The following CAMK2D variants were observed in gnomAD, a reference collection of about 807,000 sequenced individuals.
CAMK2D encodes the protein calcium/calmodulin dependent protein kinase II delta.
CAMK2D carries 37 observed loss-of-function variants against 84.0 expected under a neutral mutation model. The observed-to-expected ratio is 0.44, with a 90% CI of 0.34 to 0.58. CAMK2D has a LOEUF of 0.58. Among genes scored for constraint, CAMK2D ranks in the 20% least tolerant of loss-of-function variants. The pLI is 0.02. For missense variants in CAMK2D, 448 were observed against 652.5 expected (o/e 0.69, Z 3.41); for synonymous variants, 202 against 212.5 (o/e 0.95, Z 0.43).
At chr4:113,551,007 G>T (rs867880301) in intron 5 of CAMK2D, among the ~76,000 whole-genome samples, 2 of 152,132 alleles carry the variant, frequency 1.3e-5, no homozygotes, top group African/African-American at 4.8e-5. Context: ...ATCTGTTGAG[G>T]GTCAGGCTAC....
intron 3 of CAMK2D, among the ~76,000 whole-genome samples, chr4:113,630,108 T>G (rs1033598152): frequency 3.1e-4 from 47 of 152,184 alleles, no homozygotes; most frequent in Admixed American, 6.6e-5. Flanking sequence ...CAATATCCAT[T>G]TGTTAGGTAG....
intron 6 of CAMK2D, among the ~76,000 whole-genome samples, chr4:113,537,871 A>T (rs1360522667): frequency 1.3e-5 from 2 of 152,222 alleles, no homozygotes; most frequent in Admixed American, 1.3e-4. Flanking sequence ...ACATTTGGCA[A>T]ATGAAACTGT....
intron 4 of CAMK2D, among the ~76,000 whole-genome samples, chr4:113,560,988 G>A (rs1466891406): frequency 1.3e-5 from 2 of 152,104 alleles, no homozygotes; most frequent in Admixed American, 1.3e-4. Context: ...GCTATCCAAG[G>A]AGGACCCTAC....
At chr4:113,754,986 A>G (rs1465626728) in intron 2 of CAMK2D, 1 of 984,502 alleles carries the variant, frequency 1.0e-6, no homozygotes, top group Non-Finnish European at 1.2e-6. Context: ...TTGCCAAATC[A>G]ATAATGTATA....
chr4:113,453,409 T>C lies in CAMK2D; in HGVS notation c.*1136A>G, dbSNP rs146600612. 5 of 152,334 alleles carry C rather than the reference T, an allele frequency of 3.3e-5. No homozygotes were observed. The East Asian group carries it at 9.6e-4, about 29-fold the overall frequency. The allele number at this position is 152,334 out of a possible 1,614,324, so 9.4% of individuals were successfully genotyped here. A position where few individuals can be genotyped will look rare whatever the true frequency, so the allele number is the denominator to read the frequency against. Reference sequence around the variant, plus strand: ...CTCTGCTATCAAGTTGGTATCCTCCTGGCAACTGTCCCAATCAGTAAGACG... The same window carrying C: ...CTCTGCTATCAAGTTGGTATCCTCCCGGCAACTGTCCCAATCAGTAAGACG... On this transcript the variant is annotated 3_prime_UTR_variant, in exon 21 of 21. Coordinates refer to ENST00000511664, the MANE Select transcript of CAMK2D (RefSeq NM_001321571.2).
At chr4:113,727,451 G>A (rs60143560) in intron 2 of CAMK2D, among the ~76,000 whole-genome samples, 8,613 of 152,028 alleles carry the variant, frequency 0.057, 267 homozygotes, top group South Asian at 0.096. Flanking sequence ...GAATAATGAT[G>A]TTGGAACAAC....
intron 6 of CAMK2D, among the ~76,000 whole-genome samples, chr4:113,537,878 C>T (rs17046197): frequency 6.6e-6 from 1 of 152,158 alleles, no homozygotes; most frequent in African/African-American, 2.4e-5. Flanking sequence ...GCAAATGAAA[C>T]TGTGCAAATT....
intron 4 of CAMK2D, among the ~76,000 whole-genome samples, chr4:113,600,347 A>T (rs544734321): frequency 6.6e-6 from 1 of 152,318 alleles, no homozygotes; most frequent in African/African-American, 2.4e-5. Context: ...TATTATAACT[A>T]ATGTACTAAT....
chr4:113,641,608 G>C (rs1202282647), intron 3 of CAMK2D, among the ~76,000 whole-genome samples: 1 of 152,186 alleles, frequency 6.6e-6, no homozygotes, highest in Non-Finnish European at 1.5e-5. Flanking sequence ...CTGGCTCAAA[G>C]CTTTACTGGG....
intron 2 of CAMK2D, among the ~76,000 whole-genome samples, chr4:113,748,562 AT>A (rs891164214): frequency 2.6e-5 from 4 of 152,284 alleles, no homozygotes; most frequent in Admixed American, 6.5e-5. Context: ...ATTAAAAAAA[AT>A]ACTAGGAATA....
chr4:113,538,999 G>T (rs1445701715), intron 6 of CAMK2D, among the ~76,000 whole-genome samples: 1 of 152,118 alleles, frequency 6.6e-6, no homozygotes, highest in African/African-American at 2.4e-5. Context: ...ATGGGATAAA[G>T]ATATCTCAAG....
At chr4:113,503,889 G>A (rs200637421) in intron 14 of CAMK2D, among the ~76,000 whole-genome samples, 4 of 152,234 alleles carry the variant, frequency 2.6e-5, no homozygotes, top group South Asian at 4.1e-4. Context: ...GCAATGGGGA[G>A]GTACTGCAAC....
intron 8 of CAMK2D, among the ~76,000 whole-genome samples, chr4:113,518,867 T>C (rs2098321448): frequency 6.6e-6 from 1 of 152,110 alleles, no homozygotes; most frequent in African/African-American, 2.4e-5. Context: ...TAGAATTTTA[T>C]AGCCTGCTTC....
At chr4:113,644,274 T>G (rs1054455669) in intron 3 of CAMK2D, among the ~76,000 whole-genome samples, 1 of 152,188 alleles carries the variant, frequency 6.6e-6, no homozygotes, top group African/African-American at 2.4e-5. Flanking sequence ...ATCTGCCAAA[T>G]GAAGACAAAG....
chr4:113,610,029 C>A (rs2098993407), intron 3 of CAMK2D, among the ~76,000 whole-genome samples: 1 of 145,712 alleles, frequency 6.9e-6, no homozygotes, highest in African/African-American at 2.5e-5. Flanking sequence ...AGAGTGAATT[C>A]TTTTTTTTTT....
intron 16 of CAMK2D, among the ~76,000 whole-genome samples, chr4:113,476,647 T>C (rs767714648): frequency 6.6e-6 from 1 of 152,190 alleles, no homozygotes; most frequent in Non-Finnish European, 1.5e-5. Context: ...TGCTAAGATC[T>C]ATGAATAGTT....
intron 16 of CAMK2D, among the ~76,000 whole-genome samples, chr4:113,492,301 A>C (rs1467038175): frequency 6.6e-6 from 1 of 151,194 alleles, no homozygotes; most frequent in Non-Finnish European, 1.5e-5. Context: ...TTCCCTCTAC[A>C]CACTGCTTTG....
At chr4:113,501,176 TA>T (rs2098037562) in intron 15 of CAMK2D, among the ~76,000 whole-genome samples, 1 of 152,134 alleles carries the variant, frequency 6.6e-6, no homozygotes, top group Admixed American at 6.6e-5. Context: ...AACTGGCTGT[TA>T]TTGATAAGAA....
chr4:113,679,937 C>A (rs1332726490), intron 2 of CAMK2D, among the ~76,000 whole-genome samples: 1 of 152,070 alleles, frequency 6.6e-6, no homozygotes, highest in Non-Finnish European at 1.5e-5. Flanking sequence ...CTGGGGCATG[C>A]TTTGTTTTAA....
Sources: allele counts gnomAD v4.1 joint callset (sites outside exome capture counted in the v4.1 genomes callset), GRCh38; gene constraint gnomAD v4.1.1; transcripts MANE v1.5; gene names NCBI Gene and HGNC (gene_info 2026-07-23, HGNC 2026-07-21).